The following DLC1 variants were observed in gnomAD, a reference collection of about 807,000 sequenced individuals.
DLC1 encodes the protein rho GTPase-activating protein 7.
DLC1 carries 54 observed loss-of-function variants against 140.3 expected under a neutral mutation model. The observed-to-expected ratio is 0.38, with a 90% CI of 0.31 to 0.48. The LOEUF (loss-of-function observed/expected upper bound fraction) is 0.48, where lower values mean the gene tolerates loss of function less well. DLC1 is among the 20% of genes least tolerant of loss of function. DLC1 has a pLI of 0.96. For missense variants in DLC1, 2,536 were observed against 1,907.0 expected (o/e 1.33, Z -6.14); for synonymous variants, 986 against 728.1 (o/e 1.35, Z -5.70).
chr8:13,255,407 A>G (rs1165857244), intron 5 of DLC1, among the ~76,000 whole-genome samples: 1 of 152,218 alleles, frequency 6.6e-6, no homozygotes, highest in Non-Finnish European at 1.5e-5. Flanking sequence ...GGAACTCCAT[A>G]AATGACATTA....
chr8:13,226,302 C>G (rs761141041), intron 5 of DLC1, among the ~76,000 whole-genome samples: 1 of 152,132 alleles, frequency 6.6e-6, no homozygotes, highest in South Asian at 2.1e-4. Flanking sequence ...GAAATACTTT[C>G]AGATATATTT....
chr8:13,578,015 A>G (rs1432348158), intron 1 of DLC1, among the ~76,000 whole-genome samples: 1 of 152,086 alleles, frequency 6.6e-6, no homozygotes, highest in Non-Finnish European at 1.5e-5. Flanking sequence ...GAAATAAAAA[A>G]AAAAAAGTGT....
chr8:13,112,753 G>A (rs139708475), intron 6 of DLC1, among the ~76,000 whole-genome samples: 2 of 152,126 alleles, frequency 1.3e-5, no homozygotes, highest in African/African-American at 4.8e-5. Flanking sequence ...CACTACGTTG[G>A]CCAGGTTGGC....
chr8:13,377,780 A>C (rs141367820), intron 4 of DLC1, among the ~76,000 whole-genome samples: 41 of 152,168 alleles, frequency 2.7e-4, no homozygotes, highest in African/African-American at 9.9e-4. Context: ...TGGAGGCACA[A>C]ATCTTGAATA....
intron 4 of DLC1, among the ~76,000 whole-genome samples, chr8:13,371,914 T>A (rs1835748285): frequency 2.0e-5 from 3 of 152,172 alleles, no homozygotes; most frequent in Non-Finnish European, 4.4e-5. Flanking sequence ...ATATTGGGCA[T>A]TTGAAAGGAT....
At chr8:13,594,147 C>T (rs531920166) in intron 1 of DLC1, among the ~76,000 whole-genome samples, 5 of 151,906 alleles carry the variant, frequency 3.3e-5, no homozygotes, top group Admixed American at 1.3e-4. Flanking sequence ...GGCAACAGAG[C>T]GAGACCTGGT....
At chr8:13,238,540 T>G (rs1048543799) in intron 5 of DLC1, among the ~76,000 whole-genome samples, 9 of 150,932 alleles carry the variant, frequency 6.0e-5, no homozygotes, top group Non-Finnish European at 1.3e-4. Context: ...AAAAAAAAAG[T>G]GCTCTCTCAG....
At chr8:13,564,192 A>T (rs1199557013) in intron 1 of DLC1, among the ~76,000 whole-genome samples, 9 of 152,236 alleles carry the variant, frequency 5.9e-5, no homozygotes, top group Admixed American at 5.9e-4. Context: ...AACACCAAAG[A>T]TGCAGAAAAC....
intron 5 of DLC1, among the ~76,000 whole-genome samples, chr8:13,154,090 G>A (rs1824055325): frequency 6.6e-6 from 1 of 152,232 alleles, no homozygotes. Flanking sequence ...GCTAGACTCA[G>A]GGTGGTGATT....
At chr8:13,573,467 A>G (rs36012255) in intron 1 of DLC1, among the ~76,000 whole-genome samples, 5 of 151,932 alleles carry the variant, frequency 3.3e-5, no homozygotes, top group Admixed American at 1.3e-4. Context: ...CATAATTGCT[A>G]TGGCTATCAC....
At chr8:13,312,632 T>C (rs969852105) in intron 4 of DLC1, among the ~76,000 whole-genome samples, 11 of 152,048 alleles carry the variant, frequency 7.2e-5, no homozygotes, top group Admixed American at 6.6e-4. Context: ...TGAACATTGC[T>C]AATAGAAAAA....
rs1261929062 is a variant in DLC1, at chr8:13,499,128, C to A, written c.944G>T (p.Gly315Val). The stretch of plus-strand genomic sequence containing the variant: ...CTCCTTTAATTGTAAACACTGCATG[C>A]CATCTTCTGCCTTGACCTTTGGTGG... Reference protein sequence around the residue: ...KSPPKVKAEDGMQCLQLKETL... With the variant: ...KSPPKVKAEDVMQCLQLKETL... The change falls in exon 2 of 18, where the codon GGC becomes GTC. Residue 315 changes from glycine to valine, a missense_variant. Physicochemically the swap from Gly to Val is moderately radical, Grantham distance 109. Coordinates refer to ENST00000276297, the MANE Select transcript of DLC1 (RefSeq NM_182643.3). 1.9e-6 allele frequency: 3 copies of A among 1,614,164 alleles called. No homozygotes were observed. The highest frequency in any genetic ancestry group is 1.6e-4 in the Middle Eastern group (1 of 6,062).
intron 8 of DLC1, 76 bp downstream of exon 8, chr8:13,102,714 C>T: frequency 1.5e-6 from 2 of 1,301,892 alleles, no homozygotes. Context: ...GAAACAAAAC[C>T]TATTACAAAA....
At chr8:13,407,451 A>G (rs941122936) in intron 2 of DLC1, among the ~76,000 whole-genome samples, 1 of 152,128 alleles carries the variant, frequency 6.6e-6, no homozygotes, top group Non-Finnish European at 1.5e-5. Context: ...GGAGGTGCAA[A>G]TTACTGGATA....
chr8:13,507,481 G>C (rs1802148799), intron 1 of DLC1, among the ~76,000 whole-genome samples: 1 of 152,148 alleles, frequency 6.6e-6, no homozygotes, highest in African/African-American at 2.4e-5. Context: ...GACAAGACTA[G>C]AATTAGACTG....
chr8:13,240,119 T>C (rs1468603528), intron 5 of DLC1, among the ~76,000 whole-genome samples: 1 of 152,078 alleles, frequency 6.6e-6, no homozygotes, highest in Non-Finnish European at 1.5e-5. Context: ...AGGAACAAAC[T>C]TCAGCGTACT....
rs540891599 is a variant in DLC1 at position 13,554,569 on chromosome 8, C to G, written c.-126+49968G>C. ...TTTTCTATTTCCACTCATGGTGACT[C>G]AATCCTTTCAGTTTCTCATCCTTAA... On this transcript the variant is annotated intron_variant, in intron 1 of 1. Coordinates refer to the DLC1 transcript ENST00000631382. Among the ~76,000 whole-genome samples the G allele has an allele frequency of 2.6e-5, 4 of 152,292 alleles. No homozygotes were observed. In the South Asian group the frequency reaches 8.3e-4, roughly 32 times the overall value.
chr8:13,475,787 T>C (rs1800408682), intron 2 of DLC1, among the ~76,000 whole-genome samples: 1 of 152,166 alleles, frequency 6.6e-6, no homozygotes, highest in Non-Finnish European at 1.5e-5. Flanking sequence ...GTGTTGGCTG[T>C]GTGGGGTCAA....
At chr8:13,437,143 G>A (rs190394518) in intron 2 of DLC1, among the ~76,000 whole-genome samples, 2 of 152,150 alleles carry the variant, frequency 1.3e-5, no homozygotes, top group East Asian at 3.9e-4. Context: ...CTCTGTCTAC[G>A]CCATTCCTAC....
Sources: gnomAD v4.1 joint callset for allele counts (sites outside exome capture counted in the v4.1 genomes callset) on GRCh38, gnomAD v4.1.1 for gene constraint, MANE v1.5 for transcripts, NCBI Gene and HGNC (gene_info 2026-07-23, HGNC 2026-07-21) for gene names.